RUFY2: variants seen among roughly 807,000 people sequenced by gnomAD.
The protein encoded by RUFY2 is RUN and FYVE domain-containing protein 2.
Under a neutral mutation model 94.4 loss-of-function variants are expected in RUFY2, and 49 were observed. The observed-to-expected ratio is 0.52, with a 90% CI of 0.41 to 0.66. The LOEUF is 0.66. Ranked by LOEUF, RUFY2 falls within the 30% of genes least tolerant of loss-of-function variation. The probability of loss-of-function intolerance (pLI) is 0.00; values close to 1 mark genes in which losing one functional copy is unlikely to be tolerated. For missense variants in RUFY2, 541 were observed against 692.8 expected (o/e 0.78, Z 2.46); for synonymous variants, 255 against 235.7 (o/e 1.08, Z -0.75).
chr10:68,377,269 A>G (rs980161014), intron 12 of RUFY2: 10 of 1,190,224 alleles, frequency 8.4e-6, no homozygotes, highest in Non-Finnish European at 1.0e-5. Flanking sequence ...ACTTATGCAG[A>G]GCATAACGAA....
At chr10:68,381,498 T>A in intron 10 of RUFY2, 99 bp from the exon 11 acceptor site, 1 of 1,098,612 alleles carries the variant, frequency 9.1e-7, no homozygotes, top group Non-Finnish European at 1.3e-6. Context: ...AGACTACACC[T>A]TTTAAGTCCA....
intron 13 of RUFY2, among the ~76,000 whole-genome samples, chr10:68,368,353 A>T (rs924901602): frequency 6.6e-6 from 1 of 151,978 alleles, no homozygotes; most frequent in African/African-American, 2.4e-5. Context: ...AAATTATTAT[A>T]TTTGAGAAAT....
chr10:68,378,703 G>A, intron 12 of RUFY2: 1 of 1,540,070 alleles, frequency 6.5e-7, no homozygotes. Context: ...ATCAAAGACA[G>A]AAAAAGGTAA....
At chr10:68,360,631 C>T (rs1378092760) in intron 15 of RUFY2, among the ~76,000 whole-genome samples, 1 of 152,026 alleles carries the variant, frequency 6.6e-6, no homozygotes, top group East Asian at 1.9e-4. Flanking sequence ...ACCTGTAGTC[C>T]CAGCTACTCA....
rs1224164031 is a variant in RUFY2, at chr10:68,344,050, T to C, written c.*1718A>G. 6.6e-6 allele frequency: 1 copy of C among 152,148 alleles called. No individual in the cohort carries two copies. Among genetic ancestry groups the C allele is most frequent in the Non-Finnish European group, 1.5e-5 (1 of 68,016 alleles). 9.4% of individuals were successfully genotyped at this position (152,148 alleles called of 1,614,324 possible). On this transcript the variant is annotated 3_prime_UTR_variant, in exon 18 of 18. Transcript: ENST00000602465. ...TAAAAATGTTAGCCCATCCCACCTA[T>C]CAATACAAAATGGTTCAAGAATATA...
rs1318224357 is a variant in RUFY2, at chr10:68,345,272, A to G, written c.*496T>C. ...TTGGCCCTGTCTAATGCAAGAGGCAAAGGGAGAGGGGGAGAAGAAAGGGCA... is the reference window on the plus strand; with the variant it reads ...TTGGCCCTGTCTAATGCAAGAGGCAGAGGGAGAGGGGGAGAAGAAAGGGCA... On this transcript the variant is annotated 3_prime_UTR_variant, in exon 18 of 18. Coordinates refer to ENST00000602465, the MANE Select transcript of RUFY2 (RefSeq NM_001330103.2). The G allele has an allele frequency of 4.9e-6, 1 of 202,034 alleles. No homozygotes were observed. Among genetic ancestry groups the G allele is most frequent in the Non-Finnish European group, 9.8e-6 (1 of 101,576 alleles). 12.5% of individuals were successfully genotyped at this position (202,034 alleles called of 1,614,324 possible).
In RUFY2 at chr10:68,394,266, A is replaced by T. The variant is rs183546743; in HGVS notation, c.522+62T>A. ...TGTTTACAACTTCAAATGACACCTG[A>T]TCAAGGAGGAACTGTGCAAACTGAA... On this transcript the variant is annotated intron_variant, in intron 5 of 17. Coordinates refer to ENST00000602465, the MANE Select transcript of RUFY2 (RefSeq NM_001330103.2). 557 of 1,609,106 alleles carry T rather than the reference A, an allele frequency of 3.5e-4. 3 individuals carry two copies. The African/African-American group carries it at 6.9e-3, about 20-fold the overall frequency.
rs1288688426 is a variant in RUFY2, at chr10:68,345,709, T to G, written c.*59A>C. ...GGAGAGCTGTCTGGTTACCTTTGTATACAACATCATAACATTCATTGTAGG... is the reference window on the plus strand; with the variant it reads ...GGAGAGCTGTCTGGTTACCTTTGTAGACAACATCATAACATTCATTGTAGG... On this transcript the variant is annotated 3_prime_UTR_variant, in exon 18 of 18. Transcript: ENST00000602465. 1.5e-5 allele frequency: 23 copies of G among 1,525,638 alleles called. No individual in the cohort carries two copies. Among genetic ancestry groups the G allele is most frequent in the Non-Finnish European group, 2.1e-5 (23 of 1,114,182 alleles). 94.5% of individuals were successfully genotyped at this position (1,525,638 alleles called of 1,614,324 possible).
intron 4 of RUFY2, among the ~76,000 whole-genome samples, chr10:68,396,195 C>T (rs1242408361): frequency 6.6e-6 from 1 of 151,988 alleles, no homozygotes; most frequent in Non-Finnish European, 1.5e-5. Context: ...GACGGGGTTT[C>T]ACCACGTTGG....
chr10:68,390,654 G>T (rs2049905612), intron 7 of RUFY2, among the ~76,000 whole-genome samples: 1 of 152,068 alleles, frequency 6.6e-6, no homozygotes, highest in Admixed American at 6.6e-5. Flanking sequence ...AGAGATGGGG[G>T]TCTCATTATG....
intron 15 of RUFY2, among the ~76,000 whole-genome samples, chr10:68,362,680 C>T (rs1206943179): frequency 6.6e-6 from 1 of 151,746 alleles, no homozygotes; most frequent in African/African-American, 2.4e-5. Context: ...GTCTCAGCTA[C>T]TTGGTAAGCT....
At chr10:68,378,092 G>A (rs1269027022) in intron 12 of RUFY2, 4 of 985,386 alleles carry the variant, frequency 4.1e-6, no homozygotes, top group South Asian at 4.7e-5. Flanking sequence ...AGGGAGAACC[G>A]GAAAACTGAG....
intron 16 of RUFY2, among the ~76,000 whole-genome samples, chr10:68,348,156 G>C (rs2046411061): frequency 6.6e-6 from 1 of 150,994 alleles, no homozygotes; most frequent in Non-Finnish European, 1.5e-5. Context: ...ACAAACACCA[G>C]CAAAGAGTCA....
At chr10:68,391,356 A>G (rs1231936345) in intron 7 of RUFY2, among the ~76,000 whole-genome samples, 1 of 151,992 alleles carries the variant, frequency 6.6e-6, no homozygotes, top group East Asian at 1.9e-4. Context: ...GAAATTTTAA[A>G]TTACTTATGT....
intron 4 of RUFY2, among the ~76,000 whole-genome samples, chr10:68,396,332 C>A (rs1372807912): frequency 6.6e-6 from 1 of 151,024 alleles, no homozygotes; most frequent in Non-Finnish European, 1.5e-5. Context: ...GCCCACAATA[C>A]AGGTGAAGCA....
Position 68,401,757 on chromosome 10 carries a change from A to C in RUFY2, c.179-20T>G, listed in dbSNP as rs572819405. 8.0e-5 allele frequency: 107 copies of C among 1,344,382 alleles called. 2 individuals are homozygous for C. In the South Asian group the frequency reaches 1.2e-3, roughly 15 times the overall value. 83.3% of individuals were successfully genotyped at this position (1,344,382 alleles called of 1,614,324 possible). A position where few individuals can be genotyped will look rare whatever the true frequency, so the allele number is the denominator to read the frequency against. Reference sequence around the variant, plus strand: ...TTCTTACTGAAAAAAAGAACACATAATGCACACAATGTCAACATAAAAAAC... The same window carrying C: ...TTCTTACTGAAAAAAAGAACACATACTGCACACAATGTCAACATAAAAAAC... On this transcript the variant is annotated intron_variant, in intron 2 of 17. Coordinates refer to ENST00000602465, the MANE Select transcript of RUFY2 (RefSeq NM_001330103.2).
At chr10:68,362,482 C>T (rs2047521169) in intron 15 of RUFY2, among the ~76,000 whole-genome samples, 1 of 152,122 alleles carries the variant, frequency 6.6e-6, no homozygotes, top group African/African-American at 2.4e-5. Flanking sequence ...CCCCAAAACA[C>T]AGACTATGGG....
intron 15 of RUFY2, among the ~76,000 whole-genome samples, chr10:68,358,318 C>T (rs773400806): frequency 6.6e-6 from 1 of 152,156 alleles, no homozygotes; most frequent in Admixed American, 6.5e-5. Context: ...ACTACTGAAG[C>T]AGGACATTAA....
At chr10:68,363,544 A>G in intron 15 of RUFY2, 46 bp downstream of exon 15, 1 of 1,260,506 alleles carries the variant, frequency 7.9e-7, no homozygotes, top group Admixed American at 2.4e-5. Flanking sequence ...TATACCTTTT[A>G]TAAAAGTCAA....
Sources: gnomAD v4.1 joint callset for allele counts (sites outside exome capture counted in the v4.1 genomes callset) on GRCh38, gnomAD v4.1.1 for gene constraint, MANE v1.5 for transcripts, NCBI Gene and HGNC (gene_info 2026-07-23, HGNC 2026-07-21) for gene names.